Variants in PHF20 observed in about 807,000 individuals in gnomAD.
PHF20 encodes glioma-expressed antigen 2.
In PHF20, 23 loss-of-function variants were observed where a neutral mutation model predicts 113.5. The ratio of observed to expected loss-of-function variants is 0.20; its 90% confidence interval spans 0.15 to 0.29. The LOEUF is 0.29. Ranked by LOEUF, PHF20 falls within the 10% of genes least tolerant of loss-of-function variation. PHF20 has a pLI of 1.00. For missense variants in PHF20, 943 were observed against 1,219.6 expected (o/e 0.77, Z 3.38); for synonymous variants, 434 against 457.3 (o/e 0.95, Z 0.65).
chr20:35,824,268 T>A (rs1029396760), intron 2 of PHF20, among the ~76,000 whole-genome samples: 61 of 152,238 alleles, frequency 4.0e-4, no homozygotes, highest in African/African-American at 1.2e-3. Context: ...CCTTTTTTTT[T>A]AATTAACTGT....
At position 35,901,146 on chromosome 20, in the gene PHF20, C is replaced by T. The variant is rs572112046; in HGVS notation, c.1561+1498C>T. On this transcript the variant is annotated intron_variant, in intron 10 of 17. Coordinates refer to ENST00000374012, the MANE Select transcript of PHF20 (RefSeq NM_016436.5). ...TGCCTCAATAAAAAGCATGCTTAGG[C>T]GGACATAGTGGCTCACACCTGAAAT... Among the ~76,000 whole-genome samples, 10 of 152,040 alleles carry T rather than the reference C, an allele frequency of 6.6e-5. No homozygotes were observed. In the South Asian group the frequency reaches 1.7e-3, roughly 25 times the overall value.
At chr20:35,896,371 T>C (rs2054983586) in intron 9 of PHF20, among the ~76,000 whole-genome samples, 1 of 151,990 alleles carries the variant, frequency 6.6e-6, no homozygotes, top group Non-Finnish European at 1.5e-5. Flanking sequence ...CATACCGAAT[T>C]CCTAATTTTT....
At chr20:35,811,599 C>G (rs140541351) in intron 2 of PHF20, among the ~76,000 whole-genome samples, 1 of 151,932 alleles carries the variant, frequency 6.6e-6, no homozygotes. Context: ...TGCGCCACCA[C>G]GCTCAGCTAA....
chr20:35,798,345 C>G (rs886087203), intron 1 of PHF20, among the ~76,000 whole-genome samples: 8 of 152,184 alleles, frequency 5.3e-5, no homozygotes, highest in African/African-American at 1.7e-4. Flanking sequence ...CCCAGGAAGT[C>G]GAGGCTACAG....
chr20:35,941,691 A>G (rs977248449), intron 17 of PHF20, among the ~76,000 whole-genome samples: 2 of 152,248 alleles, frequency 1.3e-5, no homozygotes, highest in African/African-American at 4.8e-5. Context: ...CAGTTAAAAA[A>G]GAAATGTTGT....
At chr20:35,788,146 G>C (rs188730204) in intron 1 of PHF20, among the ~76,000 whole-genome samples, 124 of 151,774 alleles carry the variant, frequency 8.2e-4, no homozygotes, top group African/African-American at 2.8e-3. Context: ...GCCCAGGCTG[G>C]AGTGCAGTGG....
chr20:35,917,654 A>G lies in PHF20; in HGVS notation c.1996A>G (p.Met666Val). Residue 666 changes from methionine (M) to valine (V), a missense_variant, in exon 13 of 18, where the codon ATG becomes GTG. Physicochemically the swap from Met to Val is conservative, Grantham distance 21. Transcript: ENST00000374012. The stretch of plus-strand genomic sequence containing the variant: ...TGAGGTCCAGGAGGAAAATGACTTC[A>G]TGATTCAGGTAGGCAGAGCTTCCAG... ...ICEVQEENDF[M>V]IQCEECQCWQ... The G allele has an allele frequency of 6.2e-7, 1 of 1,613,374 alleles. No homozygotes were observed. The highest frequency in any genetic ancestry group is 2.2e-5 in the East Asian group (1 of 44,884).
At chr20:35,942,364 G>A (rs1340364740) in intron 17 of PHF20, among the ~76,000 whole-genome samples, 12 of 152,212 alleles carry the variant, frequency 7.9e-5, no homozygotes. Context: ...AGACAAAAAA[G>A]TGTAGCTCTT....
chr20:35,852,152 C>G (rs539074644), intron 4 of PHF20, among the ~76,000 whole-genome samples: 1 of 152,288 alleles, frequency 6.6e-6, no homozygotes, highest in African/African-American at 2.4e-5. Flanking sequence ...GATGGTAGAG[C>G]TGAGATCTGC....
chr20:35,793,623 A>G (rs1244399212), intron 1 of PHF20, among the ~76,000 whole-genome samples: 1 of 151,788 alleles, frequency 6.6e-6, no homozygotes, highest in African/African-American at 2.4e-5. Flanking sequence ...TAACAGCCGT[A>G]TCTAAAATAG....
At chr20:35,913,369 T>C in intron 11 of PHF20, 22 bp downstream of exon 11, 1 of 1,501,882 alleles carries the variant, frequency 6.7e-7, no homozygotes. Context: ...TCCTGAGGGT[T>C]TCACTTAGGT....
intron 2 of PHF20, among the ~76,000 whole-genome samples, chr20:35,828,271 G>C (rs2042298226): frequency 6.6e-6 from 1 of 152,082 alleles, no homozygotes; most frequent in African/African-American, 2.4e-5. Flanking sequence ...TGATCCGCCC[G>C]CCTTGGCTTC....
intron 2 of PHF20, among the ~76,000 whole-genome samples, chr20:35,803,410 G>A (rs1160684317): frequency 6.7e-6 from 1 of 149,030 alleles, no homozygotes; most frequent in African/African-American, 2.5e-5. Flanking sequence ...TGCAGTCTTT[G>A]CCTCCTAGGT....
chr20:35,879,365 A>T (rs534606794), intron 9 of PHF20, among the ~76,000 whole-genome samples: 1 of 152,342 alleles, frequency 6.6e-6, no homozygotes, highest in African/African-American at 2.4e-5. Context: ...GTTCTTTAGT[A>T]ATTGCAAATT....
At chr20:35,860,840 G>T (rs969163371) in intron 5 of PHF20, among the ~76,000 whole-genome samples, 1 of 152,170 alleles carries the variant, frequency 6.6e-6, no homozygotes, top group Non-Finnish European at 1.5e-5. Flanking sequence ...ACCTTCCCAA[G>T]TGGAAGTCCA....
intron 9 of PHF20, among the ~76,000 whole-genome samples, chr20:35,882,404 T>A (rs1663400754): frequency 1.3e-5 from 2 of 152,298 alleles, no homozygotes; most frequent in South Asian, 2.1e-4. Flanking sequence ...ATCAGTAATG[T>A]GATGGGTAAT....
intron 2 of PHF20, among the ~76,000 whole-genome samples, chr20:35,824,831 GA>G (rs1414848414): frequency 4.6e-5 from 7 of 152,044 alleles, no homozygotes; most frequent in Non-Finnish European, 1.0e-4. Context: ...GCCTGTTCTG[GA>G]CATTTCATAG....
At position 35,940,880 on chromosome 20, in the gene PHF20, C is replaced by T. The variant is rs550281572; in HGVS notation, c.2729C>T (p.Ser910Phe). ...PGSPKVKEYV[S>F]KKALPEEAPA... is the part of the protein sequence containing the mutation. Reference sequence around the variant, plus strand: ...CATCCCCAGGTGAAGGAATATGTCTCCAAAAAGGCCCTACCAGAAGAAGCC... The same window carrying T: ...CATCCCCAGGTGAAGGAATATGTCTTCAAAAAGGCCCTACCAGAAGAAGCC... Residue 910 changes from serine to phenylalanine, a missense_variant, in exon 17 of 18, where the codon TCC becomes TTC. Around this residue, in one of 3 missense-constraint regions of PHF20, gnomAD observed 349 missense variants for 412.3 expected, o/e 0.85. Transcript: ENST00000374012. 1.2e-6 allele frequency: 2 copies of T among 1,613,224 alleles called. No individual in the cohort carries two copies. The highest frequency in any genetic ancestry group is 4.5e-5 in the East Asian group (2 of 44,862).
At chr20:35,858,210 T>C in intron 4 of PHF20, 92 bp from the exon 5 acceptor site, 1 of 688,776 alleles carries the variant, frequency 1.5e-6, no homozygotes, top group Non-Finnish European at 2.6e-6. Context: ...AAGCTTATTA[T>C]GTGGTTGGAG....
Sources: gnomAD v4.1 joint callset for allele counts (sites outside exome capture counted in the v4.1 genomes callset) on GRCh38, gnomAD v4.1.1 for gene constraint, gnomAD v4.1.1 regional missense constraint, MANE v1.5 for transcripts, NCBI Gene and HGNC (gene_info 2026-07-23, HGNC 2026-07-21) for gene names.